Variants in HERC6 observed in about 807,000 individuals in gnomAD.
The protein encoded by HERC6 is probable E3 ubiquitin-protein ligase HERC6.
A neutral mutation model predicts 114.5 loss-of-function variants in HERC6; 101 were observed. The observed-to-expected ratio is 0.88, with a 90% CI of 0.75 to 1.04. The LOEUF (loss-of-function observed/expected upper bound fraction) is 1.04. Among genes scored for constraint, HERC6 ranks in the 50% least tolerant of loss-of-function variants. The pLI, the probability that HERC6 is intolerant of heterozygous loss-of-function variation, is 0.00. For missense variants in HERC6, 1,133 were observed against 1,230.9 expected (o/e 0.92, Z 1.19); for synonymous variants, 408 against 436.2 (o/e 0.94, Z 0.81).
chr4:88,427,051 C>T (rs367771617), intron 15 of HERC6, among the ~76,000 whole-genome samples: 4 of 152,166 alleles, frequency 2.6e-5, no homozygotes, highest in Admixed American at 6.5e-5. Flanking sequence ...ATAATGGACT[C>T]GGGCAGATTG....
chr4:88,440,362 G>A lies in HERC6; in HGVS notation c.2842+112G>A, dbSNP rs990001793. 1.6e-3 allele frequency: 1,043 copies of A among 658,258 alleles called. 14 individuals carry two copies. Among genetic ancestry groups the A allele is most frequent in the Non-Finnish European group, 3.0e-4 (115 of 378,824 alleles). The allele number at this position is 658,258 out of a possible 1,614,324, so 40.8% of individuals were successfully genotyped here. A position where few individuals can be genotyped will look rare whatever the true frequency, so the allele number is the denominator to read the frequency against. On this transcript the variant is annotated intron_variant, in intron 22 of 22. Coordinates refer to ENST00000264346, the MANE Select transcript of HERC6 (RefSeq NM_017912.4). ...CTCATTGTCTGGGGTGACACCCAAG[G>A]TTCTTTGTCTCACAGCCATGGAGAT...
chr4:88,440,269 G>A lies in HERC6; in HGVS notation c.2842+19G>A, dbSNP rs755667352. 1 of 1,233,896 alleles carries A rather than the reference G, an allele frequency of 8.1e-7. No homozygotes were observed. The allele number at this position is 1,233,896 out of a possible 1,614,324, so 76.4% of individuals were successfully genotyped here. On this transcript the variant is annotated intron_variant, in intron 22 of 22. Transcript: ENST00000264346. ...TTCCTCTGTAAGTACTGTGGTACTA[G>A]ATGGACACATAATTATGTATCTTTT...
intron 22 of HERC6, among the ~76,000 whole-genome samples, chr4:88,441,048 C>CT (rs963081473): frequency 2.1e-4 from 31 of 146,332 alleles, no homozygotes; most frequent in East Asian, 8.0e-4. Context: ...AAGCCTGTTT[C>CT]TTTTTTTTTT....
rs1327819444 is a variant in HERC6, at chr4:88,380,221, TATATAATATATAA to T, written c.199+1107_199+1119del. On this transcript the variant is annotated intron_variant, in intron 1 of 22. Transcript: ENST00000264346. ...TATAAATATATATATAATATATAAA[TATATAATATATAA>T]ATATATATAATATATAAATATATAA... Among the ~76,000 whole-genome samples, 12 of 84,446 alleles carry T rather than the reference TATATAATATATAA, an allele frequency of 1.4e-4. 1 individual carries two copies. Among genetic ancestry groups the T allele is most frequent in the Non-Finnish European group, 2.2e-4 (11 of 50,042 alleles). The allele number at this position is 84,446 out of a possible 152,430, so 55.4% of individuals were successfully genotyped here.
chr4:88,404,792 C>T (rs1283467469), intron 8 of HERC6, 84 bp from the exon 9 acceptor site: 20 of 1,514,416 alleles, frequency 1.3e-5, no homozygotes, highest in Non-Finnish European at 1.7e-5. Flanking sequence ...GCCTATTTAC[C>T]ACCCATGCCA....
At chr4:88,392,335 A>G (rs1424806861) in intron 4 of HERC6, among the ~76,000 whole-genome samples, 8 of 150,658 alleles carry the variant, frequency 5.3e-5, no homozygotes. Flanking sequence ...TTGTAGTATC[A>G]GGCATGAGGG....
intron 11 of HERC6, among the ~76,000 whole-genome samples, chr4:88,408,920 G>A (rs568031738): frequency 1.1e-4 from 16 of 152,218 alleles, no homozygotes; most frequent in South Asian, 8.3e-4. Flanking sequence ...AGGGTAGGGG[G>A]CATGCTGACT....
Position 88,378,875 on chromosome 4 carries a change from A to T in HERC6, c.-47A>T. 6.6e-7 allele frequency: 1 copy of T among 1,504,200 alleles called. No homozygotes were observed. Among genetic ancestry groups the T allele is most frequent in the South Asian group, 1.3e-5 (1 of 77,890 alleles). The allele number at this position is 1,504,200 out of a possible 1,614,324, so 93.2% of individuals were successfully genotyped here. A position where few individuals can be genotyped will look rare whatever the true frequency, so the allele number is the denominator to read the frequency against. The stretch of plus-strand genomic sequence containing the variant: ...TCACCAGCGTTCGGGAGCCTGTCGC[A>T]GCGGGACCGACGGAATCCGGAGCAG... On this transcript the variant is annotated 5_prime_UTR_variant, in exon 1 of 23. Coordinates refer to ENST00000264346, the MANE Select transcript of HERC6 (RefSeq NM_017912.4).
At chr4:88,401,910 T>C (rs951282923) in intron 8 of HERC6, among the ~76,000 whole-genome samples, 2 of 152,212 alleles carry the variant, frequency 1.3e-5, no homozygotes, top group African/African-American at 2.4e-5. Context: ...TCTCCCGTGA[T>C]GTTAGGCTGC....
Position 88,440,224 on chromosome 4 carries a change from C to A in HERC6, c.2816C>A (p.Thr939Asn), listed in dbSNP as rs549348251. 1.9e-6 allele frequency: 3 copies of A among 1,598,668 alleles called. No homozygotes were observed. The highest frequency in any genetic ancestry group is 2.6e-6 in the Non-Finnish European group (3 of 1,170,454). The change falls in exon 22 of 23, where the codon ACC becomes AAC. Residue 939 changes from threonine (T) to asparagine (N), a missense_variant. By Grantham distance (65) the Thr-to-Asn change is moderately conservative (BLOSUM62 0). Coordinates refer to ENST00000264346, the MANE Select transcript of HERC6 (RefSeq NM_017912.4). ...TTTTGGAAGGCTTTCCACAAACTAA[C>A]CTTGGATGAAAAGAAAAAATTCCTC... ...QLFWKAFHKL[T>N]LDEKKKFLFF...
At chr4:88,439,071 G>A (rs1357770485) in intron 20 of HERC6, among the ~76,000 whole-genome samples, 1 of 152,150 alleles carries the variant, frequency 6.6e-6, no homozygotes, top group Non-Finnish European at 1.5e-5. Context: ...GACAAGCAAA[G>A]GAACAAAAGG....
intron 4 of HERC6, among the ~76,000 whole-genome samples, chr4:88,391,809 T>C (rs1487351644): frequency 6.6e-6 from 1 of 152,146 alleles, no homozygotes; most frequent in East Asian, 1.9e-4. Flanking sequence ...CTCTATTCAA[T>C]TCCTTACAGT....
chr4:88,385,535 A>T lies in HERC6; in HGVS notation c.396A>T (p.Gln132His). The T allele has an allele frequency of 1.3e-6, 2 of 1,503,186 alleles. No individual in the cohort carries two copies. Among genetic ancestry groups the T allele is most frequent in the South Asian group, 2.6e-5 (2 of 78,308 alleles). The allele number at this position is 1,503,186 out of a possible 1,614,324, so 93.1% of individuals were successfully genotyped here. The change falls in exon 3 of 23, where the codon CAA becomes CAT. Residue 132 changes from glutamine (Q) to histidine (H), a missense_variant. Transcript: ENST00000264346. Reference protein sequence around the residue: ...IMTLNDIKIIQVSCGHYHSLA... With the variant: ...IMTLNDIKIIHVSCGHYHSLA... The stretch of plus-strand genomic sequence containing the variant: ...CTCTGAATGATATAAAAATAATACA[A>T]GTTTCCTGTGGACACTACCACTCCC...
intron 11 of HERC6, among the ~76,000 whole-genome samples, chr4:88,410,158 T>C (rs1736012739): frequency 6.6e-6 from 1 of 152,228 alleles, no homozygotes; most frequent in Non-Finnish European, 1.5e-5. Context: ...CCTGATGACA[T>C]GTGCCCAAGG....
At chr4:88,409,904 G>A (rs1365384988) in intron 11 of HERC6, among the ~76,000 whole-genome samples, 2 of 152,180 alleles carry the variant, frequency 1.3e-5, no homozygotes, top group Non-Finnish European at 2.9e-5. Flanking sequence ...GGATGCTGTA[G>A]ACTGGGTAGC....
At chr4:88,379,741 A>AT (rs1429459491) in intron 1 of HERC6, among the ~76,000 whole-genome samples, 5 of 64,240 alleles carry the variant, frequency 7.8e-5, no homozygotes, top group African/African-American at 3.8e-4. Context: ...ATAAATATAT[A>AT]AATATATAAC....
At chr4:88,405,036 G>A (rs1169657752) in intron 9 of HERC6, 39 bp downstream of exon 9, 3 of 1,594,278 alleles carry the variant, frequency 1.9e-6, no homozygotes, top group East Asian at 2.2e-5. Context: ...CTTTTATCTG[G>A]TTCTGGGGCT....
chr4:88,409,354 A>G (rs1735969029), intron 11 of HERC6, among the ~76,000 whole-genome samples: 1 of 152,204 alleles, frequency 6.6e-6, no homozygotes, highest in African/African-American at 2.4e-5. Context: ...TGGAAGCAAG[A>G]TAGAGTCAAC....
chr4:88,436,738 G>A (rs1372409002), intron 18 of HERC6, among the ~76,000 whole-genome samples, 167 bp from the exon 19 acceptor site: 2 of 152,190 alleles, frequency 1.3e-5, no homozygotes, highest in East Asian at 1.9e-4. Context: ...AAATCAAACT[G>A]TAAATAGAGG....
Sources: allele counts gnomAD v4.1 joint callset (sites outside exome capture counted in the v4.1 genomes callset), GRCh38; gene constraint gnomAD v4.1.1; transcripts MANE v1.5; gene names NCBI Gene and HGNC (gene_info 2026-07-23, HGNC 2026-07-21).